The following ADGRG7 variants were observed in gnomAD, a reference collection of about 807,000 sequenced individuals.
The protein encoded by ADGRG7 is G-protein coupled receptor 128.
Under a neutral mutation model 88.6 loss-of-function variants are expected in ADGRG7, and 82 were observed. The ratio of observed to expected loss-of-function variants is 0.93; its 90% CI spans 0.77 to 1.11. The LOEUF (loss-of-function observed/expected upper bound fraction) is 1.11. Among genes scored for constraint, ADGRG7 ranks in the 50% most tolerant of loss-of-function variants. The pLI, the probability that ADGRG7 is intolerant of heterozygous loss-of-function variation, is 0.00. For synonymous variants in ADGRG7, 381 were observed against 345.2 expected (o/e 1.10, Z -1.15); for missense variants, 945 against 953.4 (o/e 0.99, Z 0.12).
chr3:100,660,969 A>C (rs1159666275), intron 14 of ADGRG7, among the ~76,000 whole-genome samples: 3 of 151,540 alleles, frequency 2.0e-5, no homozygotes, highest in Non-Finnish European at 4.4e-5. Context: ...AAAAAAAAAG[A>C]ATTGAATTTT....
intron 1 of ADGRG7, among the ~76,000 whole-genome samples, chr3:100,625,824 A>T (rs1431446119): frequency 1.3e-5 from 2 of 152,170 alleles, no homozygotes; most frequent in Non-Finnish European, 2.9e-5. Flanking sequence ...TATGTGATGG[A>T]TTACATTTAT....
At chr3:100,674,972 C>T (rs2094963207) in intron 15 of ADGRG7, among the ~76,000 whole-genome samples, 1 of 152,160 alleles carries the variant, frequency 6.6e-6, no homozygotes, top group Non-Finnish European at 1.5e-5. Flanking sequence ...CTGAATTTAT[C>T]CATTCTAATC....
chr3:100,619,121 G>A (rs1406590449), intron 1 of ADGRG7, among the ~76,000 whole-genome samples: 1 of 152,086 alleles, frequency 6.6e-6, no homozygotes, highest in Non-Finnish European at 1.5e-5. Context: ...TTTGGGCCGA[G>A]ACTATGGGGT....
chr3:100,637,325 A>T lies in ADGRG7; in HGVS notation c.621A>T (p.Thr207=), dbSNP rs1394273609. ...AGGCAAAGAAAGTTGCCATAGTAAC[A>T]GTGAGTCAACTCCTAGATGCCAGTG... The part of the protein sequence containing the change: ...SPEAKKVAIV[T]VSQLLDASED... The change falls in exon 6 of 16, where the codon ACA becomes ACT. Residue 207 remains threonine (T), a synonymous_variant. Coordinates refer to ENST00000273352, the MANE Select transcript of ADGRG7 (RefSeq NM_032787.3). 1.2e-6 allele frequency: 2 copies of T among 1,613,728 alleles called. No homozygotes were observed. The highest frequency in any genetic ancestry group is 2.2e-5 in the South Asian group (2 of 91,070).
intron 15 of ADGRG7, among the ~76,000 whole-genome samples, chr3:100,669,432 G>C (rs989991739): frequency 6.7e-6 from 1 of 150,352 alleles, no homozygotes; most frequent in African/African-American, 2.5e-5. Flanking sequence ...GTAGTCTCCT[G>C]CTGAGGCACG....
At chr3:100,657,520 T>C (rs772077067) in intron 13 of ADGRG7, among the ~76,000 whole-genome samples, 4 of 152,202 alleles carry the variant, frequency 2.6e-5, no homozygotes, top group Non-Finnish European at 4.4e-5. Flanking sequence ...ACCACTGCTA[T>C]GTAGGCCATT....
intron 15 of ADGRG7, among the ~76,000 whole-genome samples, chr3:100,693,696 A>C (rs1169708127): frequency 6.6e-6 from 1 of 152,196 alleles, no homozygotes; most frequent in Non-Finnish European, 1.5e-5. Context: ...TTTAATAAAA[A>C]ATTTTGGAAA....
chr3:100,622,832 G>T (rs1369110297), intron 1 of ADGRG7, among the ~76,000 whole-genome samples: 2 of 151,858 alleles, frequency 1.3e-5, no homozygotes, highest in East Asian at 1.9e-4. Context: ...CATGATCTTG[G>T]CTCACTGCAA....
chr3:100,646,228 G>GGTT, intron 9 of ADGRG7, 120 bp downstream of exon 9: 1 of 199,624 alleles, frequency 5.0e-6, no homozygotes. Flanking sequence ...GGGGGGGAGG[G>GGTT]TTTTCCATGA....
At chr3:100,618,721 G>A (rs1267158376) in intron 1 of ADGRG7, among the ~76,000 whole-genome samples, 1 of 152,128 alleles carries the variant, frequency 6.6e-6, no homozygotes, top group African/African-American at 2.4e-5. Context: ...GGTTCCGTAT[G>A]AACTTTAAAG....
Position 100,694,918 on chromosome 3 carries a change from G to A in ADGRG7, c.2311G>A (p.Glu771Lys), listed in dbSNP as rs771670464. ...NFLRSLPTLH[E>K]RFRLLETSPS... ...CCTCAGGTCATTGCCAACCTTACAT[G>A]AACGCTTTAGGCTACTGGAAACCTC... is the stretch of plus-strand genomic sequence containing the variant. The change falls in exon 16 of 16, where the codon GAA becomes AAA. Residue 771 changes from glutamate to lysine, a missense_variant. By Grantham distance (56) the Glu-to-Lys change is moderately conservative. Coordinates refer to ENST00000273352, the MANE Select transcript of ADGRG7 (RefSeq NM_032787.3). The A allele has an allele frequency of 1.9e-6, 3 of 1,614,158 alleles. No individual in the cohort carries two copies. Among genetic ancestry groups the A allele is most frequent in the Non-Finnish European group, 1.7e-6 (2 of 1,180,024 alleles).
intron 15 of ADGRG7, among the ~76,000 whole-genome samples, chr3:100,687,937 G>A (rs1437533722): frequency 2.6e-5 from 4 of 152,130 alleles, no homozygotes; most frequent in Non-Finnish European, 5.9e-5. Context: ...GATTGGAATA[G>A]TTTCAGAAGG....
chr3:100,665,398 G>C (rs1467704937), intron 14 of ADGRG7: 2 of 539,812 alleles, frequency 3.7e-6, no homozygotes, highest in Non-Finnish European at 3.8e-6. Flanking sequence ...AGCATTGTTT[G>C]TTTCTTTGTG....
chr3:100,674,288 C>T (rs1256393948), intron 15 of ADGRG7, among the ~76,000 whole-genome samples: 1 of 152,112 alleles, frequency 6.6e-6, no homozygotes, highest in African/African-American at 2.4e-5. Flanking sequence ...TTTGTGGTTC[C>T]ATATAAATTT....
At chr3:100,668,928 T>G (rs758068965) in intron 14 of ADGRG7, 21 bp from the exon 15 acceptor site, 1 of 1,554,900 alleles carries the variant, frequency 6.4e-7, no homozygotes, top group South Asian at 1.3e-5. Context: ...CACATTATTT[T>G]TCTTGTTTTC....
chr3:100,635,188 CA>C (rs138888122), intron 4 of ADGRG7, among the ~76,000 whole-genome samples: 3,412 of 151,572 alleles, frequency 0.023, 137 homozygotes, highest in African/African-American at 0.079. Context: ...AAAGCCAGTT[CA>C]AAAAATTTTG....
intron 14 of ADGRG7, among the ~76,000 whole-genome samples, chr3:100,664,402 C>A (rs1238301357): frequency 6.6e-6 from 1 of 152,086 alleles, no homozygotes; most frequent in East Asian, 1.9e-4. Flanking sequence ...GACTAAGATG[C>A]TATTTTCCAT....
chr3:100,618,856 A>G (rs1027992882), intron 1 of ADGRG7, among the ~76,000 whole-genome samples: 6 of 152,122 alleles, frequency 3.9e-5, no homozygotes, highest in Admixed American at 1.3e-4. Flanking sequence ...TGAGCATGGA[A>G]TGTTCTTCCA....
chr3:100,674,587 T>C (rs1205615820), intron 15 of ADGRG7, among the ~76,000 whole-genome samples: 1 of 151,314 alleles, frequency 6.6e-6, no homozygotes, highest in Non-Finnish European at 1.5e-5. Context: ...TCCTTTTTTT[T>C]TTTTTTTTGA....
Sources: gnomAD v4.1 joint callset for allele counts (sites outside exome capture counted in the v4.1 genomes callset) on GRCh38, gnomAD v4.1.1 for gene constraint, MANE v1.5 for transcripts, NCBI Gene and HGNC (gene_info 2026-07-23, HGNC 2026-07-21) for gene names.